The following MYH8 variants were observed in gnomAD, a reference collection of about 807,000 sequenced individuals.
MYH8 encodes the protein myosin heavy chain 8.
MYH8 carries 168 observed loss-of-function variants against 233.2 expected under a neutral mutation model. The observed-to-expected ratio is 0.72, with a 90% CI of 0.64 to 0.82. MYH8 has a LOEUF of 0.82. Ranked by LOEUF, MYH8 falls within the 40% of genes least tolerant of loss-of-function variation. The pLI is 0.00. For missense variants in MYH8, 1,995 were observed against 2,327.8 expected (o/e 0.86, Z 2.94); for synonymous variants, 785 against 850.6 (o/e 0.92, Z 1.34).
Position 10,400,759 on chromosome 17 carries a change from C to T in MYH8, c.3366G>A (p.Gly1122=), listed in dbSNP as rs932307194. 4.3e-6 allele frequency: 7 copies of T among 1,614,050 alleles called. No individual in the cohort carries two copies. In the African/African-American group the frequency reaches 6.7e-5, roughly 15 times the overall value. ...KELQARIEEL[G]EEIEAERASR... is the part of the protein sequence containing the mutation. ...ACGCCCTCTCTGCCTCGATTTCTTC[C>T]CCCAGCTCCTCAATGCGGGCCTGGG... The change falls in exon 27 of 40, where the codon GGG becomes GGA. Residue 1122 remains glycine (G), a synonymous_variant. Transcript: ENST00000403437. The surrounding 1 kb of genome is among the most constrained non-coding windows in gnomAD (Gnocchi z 4.0).
In MYH8 at chr17:10,400,181, C is replaced by G. The variant is rs185326507; in HGVS notation, c.3735+209G>C. 7.9e-5 allele frequency among the ~76,000 whole-genome samples: 12 copies of G among 151,920 alleles called. 1 individual carries two copies. Among genetic ancestry groups the G allele is most frequent in the African/African-American group, 2.7e-4 (11 of 41,436 alleles). On this transcript the variant is annotated intron_variant, in intron 27 of 39. Coordinates refer to ENST00000403437, the MANE Select transcript of MYH8 (RefSeq NM_002472.3). This position sits in a 1 kb window ranked among gnomAD's most constrained non-coding sequence, Gnocchi z 4.0. ...TTGCGCCACTGCACTTCAGCCTGGG[C>G]GACAGAGTGAGACTCCATCCCCCCG...
intron 39 of MYH8, 80 bp downstream of exon 39, chr17:10,391,802 C>A: frequency 9.5e-7 from 1 of 1,048,738 alleles, no homozygotes; most frequent in Non-Finnish European, 1.5e-6. Context: ...TTGTCTTCTT[C>A]CTTATTGACG....
In MYH8 at chr17:10,396,485, C is replaced by A; in HGVS notation, c.4529-31G>T. The A allele has an allele frequency of 6.2e-7, 1 of 1,613,940 alleles. No individual in the cohort carries two copies. Among genetic ancestry groups the A allele is most frequent in the South Asian group, 1.1e-5 (1 of 91,014 alleles). On this transcript the variant is annotated intron_variant, in intron 32 of 39. Coordinates refer to ENST00000403437, the MANE Select transcript of MYH8 (RefSeq NM_002472.3). This position sits in a 1 kb window ranked among gnomAD's most constrained non-coding sequence, Gnocchi z 4.2. ...GTTGAACAGACAGGAGAGAAATGGT[C>A]AGAAAGATGGCAACATGGAAAGGTC...
At chr17:10,404,982 G>A (rs1451816759) in intron 21 of MYH8, among the ~76,000 whole-genome samples, 1 of 152,146 alleles carries the variant, frequency 6.6e-6, no homozygotes, top group Non-Finnish European at 1.5e-5. Context: ...CATGTTGATT[G>A]TGCTGCCTGT....
rs572567215 is a variant in MYH8, at chr17:10,411,893, T to C, written c.1416+477A>G. 2.4e-4 allele frequency among the ~76,000 whole-genome samples: 37 copies of C among 152,294 alleles called. No homozygotes were observed. The Middle Eastern group carries it at 0.01, about 42-fold the overall frequency. ...GTGAACTGATGCCCTGGAGGTAAAA[T>C]AGTTTATGTAAGACAAATCTGGAAG... On this transcript the variant is annotated intron_variant, in intron 14 of 39. Transcript: ENST00000403437.
In MYH8 at chr17:10,412,742, G is replaced by A; in HGVS notation, c.1148-14C>T. 3 of 1,584,168 alleles carry A rather than the reference G, an allele frequency of 1.9e-6. No homozygotes were observed. The highest frequency in any genetic ancestry group is 2.6e-6 in the Non-Finnish European group (3 of 1,152,900). Reference sequence around the variant, plus strand: ...CCTTGTCAGCGACTGCAGAGACACAGTTCAGGACATGTTGTTTCATGAAGG... The same window carrying A: ...CCTTGTCAGCGACTGCAGAGACACAATTCAGGACATGTTGTTTCATGAAGG... On this transcript the variant is annotated splice_polypyrimidine_tract_variant and intron_variant, in intron 12 of 39. Coordinates refer to ENST00000403437, the MANE Select transcript of MYH8 (RefSeq NM_002472.3).
intron 15 of MYH8, 129 bp from the exon 16 acceptor site, chr17:10,409,717 C>T: frequency 1.1e-5 from 14 of 1,256,544 alleles, no homozygotes; most frequent in Non-Finnish European, 1.6e-5. Flanking sequence ...AGGGTCACAG[C>T]TCGAAGAAGT....
chr17:10,398,387 A>G, intron 30 of MYH8, 57 bp downstream of exon 30: 2 of 1,612,976 alleles, frequency 1.2e-6, no homozygotes, highest in African/African-American at 1.3e-5. Context: ...TGTTATCATC[A>G]TCATAAATAT....
chr17:10,409,169 G>A lies in MYH8; in HGVS notation c.1898-5C>T. On this transcript the variant is annotated splice_polypyrimidine_tract_variant and splice_region_variant and intron_variant, in intron 16 of 39. Coordinates refer to ENST00000403437, the MANE Select transcript of MYH8 (RefSeq NM_002472.3). ...CACCTTTCTTCGCGCTGCTATCTGA[G>A]GTAAAAAGAAAACCCGTGAATAAGA... The A allele has an allele frequency of 1.2e-6, 2 of 1,614,048 alleles. No homozygotes were observed. Among genetic ancestry groups the A allele is most frequent in the Non-Finnish European group, 1.7e-6 (2 of 1,179,998 alleles).
intron 37 of MYH8, 33 bp from the exon 38 acceptor site, chr17:10,392,679 C>G: frequency 6.2e-7 from 1 of 1,613,334 alleles, no homozygotes; most frequent in Non-Finnish European, 8.5e-7. Context: ...CGCAGTCAGT[C>G]TTGGGGGATA....
At chr17:10,413,847 A>G (rs1001171526) in intron 12 of MYH8, 55 bp downstream of exon 12, 26 of 1,255,506 alleles carry the variant, frequency 2.1e-5, no homozygotes, top group Non-Finnish European at 2.9e-5. Context: ...GTAAAATAGG[A>G]TTTTTTTTTT....
At chr17:10,398,930 T>C (rs1299520628) in intron 28 of MYH8, 44 bp from the exon 29 acceptor site, 1 of 1,420,758 alleles carries the variant, frequency 7.0e-7, no homozygotes, top group African/African-American at 1.4e-5. Context: ...GGCATAAAAA[T>C]AAGCCTAAAC....
rs1297066267 is a variant in MYH8, at chr17:10,420,021, T to C, written c.207A>G (p.Gly69=). Residue 69 remains glycine, a synonymous_variant, in exon 3 of 40, where the codon GGA becomes GGG. Transcript: ENST00000403437. ...TTTTCTCCCTGTTTTCACTTACTGC[T>C]CCACCTTCAGTCTTTACGGTTACTT... ...GGKVTVKTEG[G]ATLTVREDQV... is the part of the protein sequence containing the mutation. 6.2e-7 allele frequency: 1 copy of C among 1,613,982 alleles called. No individual in the cohort carries two copies. Among genetic ancestry groups the C allele is most frequent in the East Asian group, 2.2e-5 (1 of 44,892 alleles).
rs71365759 is a variant in MYH8 at position 10,398,994 on chromosome 17, GTATA to G, written c.3863-112_3863-109del. 2,169 of 311,548 alleles carry G rather than the reference GTATA, an allele frequency of 7.0e-3. 24 individuals are homozygous for G. Among genetic ancestry groups the G allele is most frequent in the African/African-American group, 0.017 (705 of 42,230 alleles). The allele number at this position is 311,548 out of a possible 1,614,324, so 19.3% of individuals were successfully genotyped here. Reference sequence around the variant, plus strand: ...TATATATATGTATATATGTGTGTGTGTATATATATATATATATATATATACAAGT... The same window carrying G: ...TATATATATGTATATATGTGTGTGTGTATATATATATATATATATACAAGT... On this transcript the variant is annotated intron_variant, in intron 28 of 39. Coordinates refer to ENST00000403437, the MANE Select transcript of MYH8 (RefSeq NM_002472.3).
chr17:10,398,436 G>T lies in MYH8; in HGVS notation c.4178+8C>A, dbSNP rs369180570. The stretch of plus-strand genomic sequence containing the variant: ...GGGAGTTCCTCTTCTAGAGTTCACA[G>T]CACATACTTGGCCTCCTCCAGCTCC... On this transcript the variant is annotated splice_region_variant and intron_variant, in intron 30 of 39. Transcript: ENST00000403437. 5.0e-6 allele frequency: 8 copies of T among 1,613,866 alleles called. No individual in the cohort carries two copies. The African/African-American group carries it at 1.1e-4, about 22-fold the overall frequency.
At chr17:10,404,238 T>C (rs1435033810) in intron 22 of MYH8, 92 bp downstream of exon 22, 4 of 1,523,160 alleles carry the variant, frequency 2.6e-6, no homozygotes, top group Non-Finnish European at 3.6e-6. Flanking sequence ...TTGAGATTTT[T>C]TTTCAAGTAG....
rs768299780 is a variant in MYH8 at position 10,410,876 on chromosome 17, CAT to C, written c.1486_1487del (p.Met496ValfsTer19). 2.5e-5 allele frequency: 40 copies of C among 1,613,936 alleles called. No homozygotes were observed. Among genetic ancestry groups the C allele is most frequent in the Admixed American group, 1.7e-5 (1 of 59,994 alleles). ...TGTACTCCTCCTGCTCTAGCACAAA[CAT>C]GTGGTGGTTGAAAAACTGTTGCAGT... is the stretch of plus-strand genomic sequence containing the variant. The part of the protein sequence containing the change: ...EKLQQFFNHH[M>X]FVLEQEEYKK... On this transcript the variant is annotated frameshift_variant, in exon 15 of 40. Transcript: ENST00000403437. LOFTEE classifies it high-confidence loss of function.
At chr17:10,405,989 A>T in intron 21 of MYH8, 52 bp downstream of exon 21, 1 of 1,600,420 alleles carries the variant, frequency 6.2e-7, no homozygotes. Context: ...AACAAGACTG[A>T]TTGATAGTCC....
At chr17:10,402,216 A>C (rs962639041) in intron 22 of MYH8, among the ~76,000 whole-genome samples, 4 of 152,150 alleles carry the variant, frequency 2.6e-5, no homozygotes, top group African/African-American at 9.7e-5. Context: ...GTAATATTTA[A>C]AGATTTTGAT....
Sources: allele counts gnomAD v4.1 joint callset (sites outside exome capture counted in the v4.1 genomes callset), GRCh38; gene constraint gnomAD v4.1.1; non-coding constraint Gnocchi (gnomAD v3.1); transcripts MANE v1.5; gene names NCBI Gene and HGNC (gene_info 2026-07-23, HGNC 2026-07-21).